The following PTPRD variants were observed in gnomAD, a reference collection of about 807,000 sequenced individuals.
PTPRD encodes receptor-type tyrosine-protein phosphatase delta.
Under a neutral mutation model 214.5 loss-of-function variants are expected in PTPRD, and 34 were observed. The ratio of observed to expected loss-of-function variants is 0.16; its 90% CI spans 0.12 to 0.21. The LOEUF is 0.21. PTPRD is among the 10% of genes least tolerant of loss of function. The pLI is 1.00. For synonymous variants in PTPRD, 1,128 were observed against 845.7 expected, an observed-to-expected ratio of 1.33 and a Z score of -5.79; for missense variants, 2,545 against 2,398.7, an observed-to-expected ratio of 1.06 and a Z score of -1.27.
intron 4 of PTPRD, among the ~76,000 whole-genome samples, chr9:10,018,534 A>C (rs1288418359): frequency 6.3e-5 from 4 of 63,722 alleles, no homozygotes; most frequent in Non-Finnish European, 1.1e-4. Context: ...TAAGAATTAC[A>C]TTTCTTTTTT....
At chr9:10,005,910 G>A (rs1333803798) in intron 4 of PTPRD, among the ~76,000 whole-genome samples, 1 of 151,918 alleles carries the variant, frequency 6.6e-6, no homozygotes, top group Non-Finnish European at 1.5e-5. Context: ...TAAATAATCA[G>A]TCAAATGAGG....
chr9:9,273,058 T>C (rs966744417), intron 9 of PTPRD, among the ~76,000 whole-genome samples: 1 of 151,350 alleles, frequency 6.6e-6, no homozygotes, highest in African/African-American at 2.4e-5. Context: ...GAAATAACAG[T>C]AGCAGTGGCA....
intron 2 of PTPRD, among the ~76,000 whole-genome samples, chr9:10,343,738 C>A (rs1597582580): frequency 6.6e-6 from 1 of 150,658 alleles, no homozygotes; most frequent in East Asian, 1.9e-4. Context: ...TGATGATGAG[C>A]ATTATTTTCA....
intron 7 of PTPRD, among the ~76,000 whole-genome samples, chr9:9,648,703 T>G (rs2096259231): frequency 6.6e-6 from 1 of 152,160 alleles, no homozygotes; most frequent in Non-Finnish European, 1.5e-5. Context: ...AGCCATGAAT[T>G]GCAGGGAAAT....
At chr9:8,887,159 T>C (rs994470055) in intron 11 of PTPRD, among the ~76,000 whole-genome samples, 5 of 152,176 alleles carry the variant, frequency 3.3e-5, no homozygotes, top group African/African-American at 4.8e-5. Context: ...AAAGTGGCTT[T>C]TGAACCCAGG....
intron 2 of PTPRD, among the ~76,000 whole-genome samples, chr9:10,374,898 C>T (rs953151005): frequency 6.6e-6 from 1 of 151,942 alleles, no homozygotes; most frequent in African/African-American, 2.4e-5. Flanking sequence ...AAAATTCACC[C>T]TATGCTCAAT....
intron 3 of PTPRD, among the ~76,000 whole-genome samples, chr9:10,103,374 A>C (rs1350662208): frequency 1.2e-5 from 1 of 84,692 alleles, no homozygotes; most frequent in Non-Finnish European, 2.3e-5. Flanking sequence ...TTTAAACTGC[A>C]TATTATATAT....
chr9:9,320,139 C>G (rs1039605404), intron 9 of PTPRD, among the ~76,000 whole-genome samples: 2 of 151,940 alleles, frequency 1.3e-5, no homozygotes, highest in African/African-American at 4.8e-5. Context: ...ATAAGAATTC[C>G]TTTTTGTAAT....
At chr9:8,985,497 G>T (rs1050535706) in intron 11 of PTPRD, among the ~76,000 whole-genome samples, 1 of 152,030 alleles carries the variant, frequency 6.6e-6, no homozygotes, top group African/African-American at 2.4e-5. Context: ...ACTTCATTCT[G>T]AAAACCTGGC....
chr9:9,955,180 T>G (rs2093800255), intron 4 of PTPRD, among the ~76,000 whole-genome samples: 1 of 152,058 alleles, frequency 6.6e-6, no homozygotes, highest in African/African-American at 2.4e-5. Context: ...ACAAAGGAAC[T>G]TATCTCCAGT....
At chr9:8,804,304 C>T (rs1292086084) in intron 11 of PTPRD, among the ~76,000 whole-genome samples, 1 of 151,884 alleles carries the variant, frequency 6.6e-6, no homozygotes, top group East Asian at 1.9e-4. Context: ...ACAAACTATC[C>T]TTATTTATAT....
intron 11 of PTPRD, among the ~76,000 whole-genome samples, chr9:9,005,038 A>G (rs1305810704): frequency 1.3e-5 from 2 of 152,090 alleles, no homozygotes; most frequent in Non-Finnish European, 2.9e-5. Flanking sequence ...TTCATTAGCC[A>G]TGCTCTCTTT....
chr9:8,760,527 G>A (rs1042069511), intron 11 of PTPRD, among the ~76,000 whole-genome samples: 1 of 151,806 alleles, frequency 6.6e-6, no homozygotes, highest in Non-Finnish European at 1.5e-5. Context: ...TTTTTTGAAT[G>A]TCAGCATTAC....
intron 2 of PTPRD, among the ~76,000 whole-genome samples, chr9:10,556,433 T>G (rs923808326): frequency 6.6e-6 from 1 of 152,080 alleles, no homozygotes; most frequent in Non-Finnish European, 1.5e-5. Context: ...TTAGGTATAT[T>G]TTATATTTTC....
chr9:10,421,717 G>A (rs763303612), intron 2 of PTPRD, among the ~76,000 whole-genome samples: 13 of 151,832 alleles, frequency 8.6e-5, no homozygotes, highest in South Asian at 2.1e-4. Context: ...ATCAGTAACC[G>A]TCTCTTTCAT....
rs568511187 is a variant in PTPRD, at chr9:9,630,856, G to A, written c.-286-56075C>T. 2.6e-5 allele frequency among the ~76,000 whole-genome samples: 4 copies of A among 152,218 alleles called. No homozygotes were observed. The South Asian group carries it at 6.2e-4, about 24-fold the overall frequency. On this transcript the variant is annotated intron_variant, in intron 7 of 45. Transcript: ENST00000381196. ...AGCAATATTTCCCAGGACGTAGAAT[G>A]TACTTATATGTAAAAGATGTTCAAT...
At chr9:9,452,149 A>G (rs897812858) in intron 8 of PTPRD, among the ~76,000 whole-genome samples, 1 of 151,566 alleles carries the variant, frequency 6.6e-6, no homozygotes, top group African/African-American at 2.4e-5. Context: ...ACAAAGAGAT[A>G]TCACAAGTAA....
chr9:10,553,213 T>A (rs1217578663), intron 2 of PTPRD, among the ~76,000 whole-genome samples: 3 of 152,124 alleles, frequency 2.0e-5, no homozygotes, highest in African/African-American at 4.8e-5. Flanking sequence ...AGCAAAGTAA[T>A]AATTGCATGT....
At chr9:10,062,399 A>C (rs1313996398) in intron 3 of PTPRD, among the ~76,000 whole-genome samples, 1 of 152,022 alleles carries the variant, frequency 6.6e-6, no homozygotes, top group Non-Finnish European at 1.5e-5. Flanking sequence ...TAAGGTCAGG[A>C]GTTCAAAACC....
Sources: gnomAD v4.1 joint callset for allele counts (sites outside exome capture counted in the v4.1 genomes callset) on GRCh38, gnomAD v4.1.1 for gene constraint, MANE v1.5 for transcripts, NCBI Gene and HGNC (gene_info 2026-07-23, HGNC 2026-07-21) for gene names.